OR51B5: variants seen among roughly 807,000 people sequenced by gnomAD.
OR51B5 encodes the protein olfactory receptor family 51 subfamily B member 5, also known as olfactory receptor 51B5.
For missense variants in OR51B5, 456 were observed against 374.6 expected (o/e 1.22, Z -1.79); for synonymous variants, 186 against 144.8 (o/e 1.28, Z -2.04).
intron 1 of OR51B5, among the ~76,000 whole-genome samples, chr11:5,415,571 CAATGAAA>C (rs1850230025): frequency 6.6e-6 from 1 of 152,028 alleles, no homozygotes; most frequent in African/African-American, 2.4e-5. Flanking sequence ...CAAATAGATG[CAATGAAA>C]AATGATAAAG....
intron 1 of OR51B5, among the ~76,000 whole-genome samples, chr11:5,402,407 T>C (rs756148720): frequency 1.3e-5 from 2 of 152,216 alleles, no homozygotes; most frequent in Non-Finnish European, 2.9e-5. Flanking sequence ...GCACTCTCCA[T>C]ACTGGAAATT....
intron 1 of OR51B5, among the ~76,000 whole-genome samples, chr11:5,366,625 G>A (rs1849372360): frequency 6.7e-6 from 1 of 150,162 alleles, no homozygotes; most frequent in African/African-American, 2.5e-5. Flanking sequence ...TAGAGAAAGA[G>A]AGAGAGGTAG....
chr11:5,462,322 T>A (rs549688520), intron 1 of OR51B5, among the ~76,000 whole-genome samples: 2 of 152,164 alleles, frequency 1.3e-5, no homozygotes, highest in Admixed American at 1.3e-4. Flanking sequence ...AAAATACAAA[T>A]CCATGTTGCT....
At position 5,430,372 on chromosome 11, in the gene OR51B5, T is replaced by C. The variant is rs1284649200; in HGVS notation, n.84+75197A>G. ...TTTTTTGCTAGGAGTTTTGAGAAAA[T>C]GAGGAAAAGGAAAATCCATTACTTC... On this transcript the variant is annotated intron_variant and non_coding_transcript_variant, in intron 1 of 4. Transcript: ENST00000415970. Among the ~76,000 whole-genome samples the C allele has an allele frequency of 3.9e-5, 6 of 152,108 alleles. No individual in the cohort carries two copies. The East Asian group carries it at 1.2e-3, about 29-fold the overall frequency.
intron 1 of OR51B5, among the ~76,000 whole-genome samples, chr11:5,398,710 CTGAG>C (rs3068372): frequency 0.53 from 80,181 of 151,558 alleles, 21,711 homozygotes; most frequent in African/African-American, 0.65. Context: ...TCTCGTGATA[CTGAG>C]TGAGTTTTCA....
At chr11:5,465,496 C>G (rs1851126195) in intron 1 of OR51B5, among the ~76,000 whole-genome samples, 1 of 151,780 alleles carries the variant, frequency 6.6e-6, no homozygotes, top group East Asian at 1.9e-4. Flanking sequence ...GCCCCCATCA[C>G]CAAGGCAATC....
intron 1 of OR51B5, among the ~76,000 whole-genome samples, chr11:5,382,888 T>G (rs1426807479): frequency 6.6e-6 from 1 of 152,114 alleles, no homozygotes; most frequent in Non-Finnish European, 1.5e-5. Context: ...ATGCCCCGTT[T>G]TGGAGCTCAT....
upstream of OR51B5, chr11:5,346,892 T>C (rs777635756): frequency 1.3e-5 from 2 of 152,152 alleles, no homozygotes; most frequent in Non-Finnish European, 2.9e-5. Flanking sequence ...ACTTAGATCA[T>C]GTTGTTCCTT....
chr11:5,372,123 ATATCATATAC>A (rs1321609561), intron 1 of OR51B5, among the ~76,000 whole-genome samples: 4 of 152,194 alleles, frequency 2.6e-5, no homozygotes, highest in African/African-American at 9.6e-5. Context: ...ATATATCACA[ATATCATATAC>A]AGACCTGTCA....
rs189392985 is a variant in OR51B5 at position 5,465,022 on chromosome 11, C to T, written n.84+40547G>A. Among the ~76,000 whole-genome samples the T allele has an allele frequency of 8.7e-3, 1,315 of 151,960 alleles. 15 individuals are homozygous for T. The highest frequency in any genetic ancestry group is 0.028 in the African/African-American group (1,155 of 41,476). ...GAGATCGAGACCATCCCGGCTAAAA[C>T]GGTGAAACCCCGTCTCTACTAAAAA... On this transcript the variant is annotated intron_variant and non_coding_transcript_variant, in intron 1 of 4. Transcript: ENST00000415970.
At chr11:5,390,319 G>A (rs759194432) in intron 1 of OR51B5, 5 of 1,613,268 alleles carry the variant, frequency 3.1e-6, no homozygotes, top group South Asian at 1.1e-5. Context: ...ACAGCATTAA[G>A]ACCAAGGAGA....
At chr11:5,406,399 C>A (rs952388188) in intron 1 of OR51B5, among the ~76,000 whole-genome samples, 2 of 152,052 alleles carry the variant, frequency 1.3e-5, no homozygotes, top group South Asian at 4.1e-4. Context: ...CAGGAAGAAT[C>A]CTAGAAAATC....
At chr11:5,401,830 T>C (rs1849972171) in intron 1 of OR51B5, among the ~76,000 whole-genome samples, 1 of 129,236 alleles carries the variant, frequency 7.7e-6, no homozygotes, top group Non-Finnish European at 1.7e-5. Context: ...TTTTCTATCA[T>C]TCCTTCCTTC....
intron 1 of OR51B5, chr11:5,422,843 C>T (rs1850372709): frequency 6.2e-7 from 1 of 1,614,184 alleles, no homozygotes; most frequent in Non-Finnish European, 8.5e-7. Context: ...GGATCCTCTG[C>T]TCATTGTGAT....
chr11:5,350,353 A>G (rs1387488813), intron 1 of OR51B5, among the ~76,000 whole-genome samples: 3 of 152,242 alleles, frequency 2.0e-5, no homozygotes, highest in African/African-American at 7.2e-5. Flanking sequence ...TCATGGACAG[A>G]AAGAGGTCTT....
chr11:5,447,721 C>T (rs1312525220), intron 1 of OR51B5, among the ~76,000 whole-genome samples: 2 of 152,076 alleles, frequency 1.3e-5, no homozygotes, highest in African/African-American at 4.8e-5. Context: ...GAAGAAGGAA[C>T]TTGTACCCTA....
intron 1 of OR51B5, among the ~76,000 whole-genome samples, chr11:5,376,457 A>G (rs888464158): frequency 1.8e-4 from 28 of 152,346 alleles, no homozygotes; most frequent in African/African-American, 6.5e-4. Context: ...AGAAATAACT[A>G]AAATCAGAGC....
chr11:5,401,091 C>T (rs1301798941), intron 1 of OR51B5, among the ~76,000 whole-genome samples: 1 of 152,164 alleles, frequency 6.6e-6, no homozygotes, highest in South Asian at 2.1e-4. Flanking sequence ...CTGACCTAGA[C>T]AATGCTTATC....
chr11:5,462,897 C>A (rs1218444471), intron 1 of OR51B5, among the ~76,000 whole-genome samples: 6 of 152,194 alleles, frequency 3.9e-5, no homozygotes. Flanking sequence ...TGTATGAAGT[C>A]ATCAGTTACT....
Sources: gnomAD v4.1 joint callset for allele counts (sites outside exome capture counted in the v4.1 genomes callset) on GRCh38, gnomAD v4.1.1 for gene constraint, MANE v1.5 for transcripts, NCBI Gene and HGNC (gene_info 2026-07-23, HGNC 2026-07-21) for gene names.